MAPK4: variants seen among roughly 807,000 people sequenced by gnomAD.
The protein encoded by MAPK4 is mitogen-activated protein kinase 4, also known as Erk3-related.
A neutral mutation model predicts 47.7 loss-of-function variants in MAPK4; 22 were observed. The observed-to-expected ratio is 0.46, with a 90% CI of 0.33 to 0.66. The LOEUF is 0.66. Among genes scored for constraint, MAPK4 ranks in the 30% least tolerant of loss-of-function variants. MAPK4 has a pLI of 0.02. For missense variants in MAPK4, 736 were observed against 831.7 expected (o/e 0.88, Z 1.42); for synonymous variants, 390 against 365.7 (o/e 1.07, Z -0.76).
chr18:50,723,728 G>A (rs1308532366), intron 4 of MAPK4, among the ~76,000 whole-genome samples: 4 of 152,052 alleles, frequency 2.6e-5, no homozygotes, highest in Non-Finnish European at 5.9e-5. Flanking sequence ...GCTGGGCATG[G>A]TGGCGCACAC....
Position 50,663,987 on chromosome 18 carries a change from G to T in MAPK4, c.29G>T (p.Ser10Ile), listed in dbSNP as rs1042753382. The T allele has an allele frequency of 6.2e-7, 1 of 1,613,512 alleles. No homozygotes were observed. The highest frequency in any genetic ancestry group is 1.3e-5 in the African/African-American group (1 of 75,046). MAEKGDCIA[S>I]VYGYDLGGRF... ...GCTGAGAAGGGTGACTGCATCGCCA[G>T]TGTCTATGGGTATGACCTCGGTGGG... Residue 10 changes from serine (S) to isoleucine (I), a missense_variant, in exon 2 of 6, where the codon AGT (serine) becomes ATT (isoleucine). By Grantham distance (142) the Ser-to-Ile change is moderately radical. Transcript: ENST00000400384.
intron 1 of MAPK4, among the ~76,000 whole-genome samples, chr18:50,579,299 C>G (rs573709796): frequency 5.9e-5 from 9 of 152,312 alleles, no homozygotes; most frequent in African/African-American, 2.2e-4. Context: ...TTGCATCACT[C>G]TTGGCCTCTG....
intron 1 of MAPK4, among the ~76,000 whole-genome samples, chr18:50,660,446 C>A (rs1377626563): frequency 6.6e-6 from 1 of 152,170 alleles, no homozygotes; most frequent in African/African-American, 2.4e-5. Context: ...GTGGGCATCA[C>A]CACTGTGTAG....
intron 1 of MAPK4, among the ~76,000 whole-genome samples, chr18:50,588,086 G>A (rs1375319877): frequency 2.7e-5 from 4 of 148,116 alleles, no homozygotes; most frequent in Admixed American, 6.8e-5. Context: ...GTGGTAGAAC[G>A]AAGAGGCATT....
intron 2 of MAPK4, among the ~76,000 whole-genome samples, chr18:50,673,324 C>T (rs1009042810): frequency 3.9e-5 from 6 of 152,164 alleles, no homozygotes; most frequent in South Asian, 2.1e-4. Context: ...GCCCCCTCTT[C>T]GGAAGCCCAG....
chr18:50,693,075 G>T (rs1332452853), intron 2 of MAPK4, among the ~76,000 whole-genome samples: 2 of 152,080 alleles, frequency 1.3e-5, no homozygotes, highest in Non-Finnish European at 2.9e-5. Context: ...GGCCAACATG[G>T]TGAAACCCTG....
rs1415349589 is a variant in MAPK4 at position 50,643,487 on chromosome 18, C to A, written c.-870-19602C>A. Among the ~76,000 whole-genome samples, 6 of 152,370 alleles carry A rather than the reference C, an allele frequency of 3.9e-5. No homozygotes were observed. The East Asian group carries it at 1.2e-3, about 29-fold the overall frequency. On this transcript the variant is annotated intron_variant, in intron 1 of 5. Transcript: ENST00000400384. ...GCAGCGAGTCGAGGTCGCGCCACTG[C>A]GCTCCAGCTTGTGTAATGGAATGAA... is the stretch of plus-strand genomic sequence containing the variant.
At chr18:50,683,132 T>C (rs1352798967) in intron 2 of MAPK4, among the ~76,000 whole-genome samples, 2 of 151,510 alleles carry the variant, frequency 1.3e-5, no homozygotes, top group East Asian at 1.9e-4. Context: ...CTTTTTTTTT[T>C]CTTTTGAGAC....
chr18:50,676,892 AT>A (rs1478003866), intron 2 of MAPK4, among the ~76,000 whole-genome samples: 1 of 152,192 alleles, frequency 6.6e-6, no homozygotes, highest in Non-Finnish European at 1.5e-5. Context: ...ATAACTAAAC[AT>A]TTTTTTAAAA....
intron 3 of MAPK4, among the ~76,000 whole-genome samples, chr18:50,717,279 G>C (rs933090671): frequency 6.6e-6 from 1 of 152,218 alleles, no homozygotes; most frequent in Non-Finnish European, 1.5e-5. Flanking sequence ...CTGGGGAGCT[G>C]AGTGTCCAGG....
At chr18:50,583,119 T>C (rs1244372913) in intron 1 of MAPK4, among the ~76,000 whole-genome samples, 3 of 152,148 alleles carry the variant, frequency 2.0e-5, no homozygotes, top group African/African-American at 7.2e-5. Context: ...AGAAGAATTT[T>C]ATTGATCAAC....
In MAPK4 at chr18:50,730,516, C is replaced by T. The variant is rs1911504208; in HGVS notation, c.*662C>T. 6.5e-6 allele frequency: 1 copy of T among 152,686 alleles called. No individual in the cohort carries two copies. The highest frequency in any genetic ancestry group is 2.4e-5 in the African/African-American group (1 of 41,444). The allele number at this position is 152,686 out of a possible 1,614,324, so 9.5% of individuals were successfully genotyped here. A position where few individuals can be genotyped will look rare whatever the true frequency, so the allele number is the denominator to read the frequency against. ...TTGTTTCTCCTAGTCACCAAGCATA[C>T]TTTCCTGGCTCCCCAAGTACTTAAA... On this transcript the variant is annotated 3_prime_UTR_variant, in exon 6 of 6. Transcript: ENST00000400384.
At chr18:50,685,736 G>A (rs908009327) in intron 2 of MAPK4, among the ~76,000 whole-genome samples, 2 of 152,216 alleles carry the variant, frequency 1.3e-5, no homozygotes, top group African/African-American at 2.4e-5. Flanking sequence ...TCTCAAGGGA[G>A]GCCAGTGCTG....
chr18:50,607,926 G>A (rs2042596311), intron 1 of MAPK4, among the ~76,000 whole-genome samples: 2 of 152,114 alleles, frequency 1.3e-5, no homozygotes, highest in African/African-American at 4.8e-5. Context: ...GCCACATAAT[G>A]AGTTCTTATA....
intron 1 of MAPK4, among the ~76,000 whole-genome samples, chr18:50,627,233 G>A (rs9957659): frequency 0.029 from 4,487 of 152,232 alleles, 218 homozygotes; most frequent in African/African-American, 0.098. Context: ...CTTGCACATC[G>A]AGCCTCATGG....
At chr18:50,681,153 T>G (rs1908563672) in intron 2 of MAPK4, among the ~76,000 whole-genome samples, 1 of 152,224 alleles carries the variant, frequency 6.6e-6, no homozygotes, top group Admixed American at 6.5e-5. Flanking sequence ...ATTTCCCAGA[T>G]GGCTGATGAC....
At chr18:50,627,927 A>G (rs2042795275) in intron 1 of MAPK4, among the ~76,000 whole-genome samples, 1 of 152,152 alleles carries the variant, frequency 6.6e-6, no homozygotes. Flanking sequence ...GGGCTCAGGC[A>G]AGCATTAGAC....
intron 4 of MAPK4, among the ~76,000 whole-genome samples, chr18:50,724,015 C>A (rs941636339): frequency 6.6e-6 from 1 of 151,944 alleles, no homozygotes; most frequent in South Asian, 2.1e-4. Context: ...GGTTGGTACT[C>A]GACTTTTTTT....
rs1468590216 is a variant in MAPK4 at position 50,639,106 on chromosome 18, C to T, written c.-870-23983C>T. ...AGGGGGCGCCCTGGTACCCCAGGCT[C>T]AAAATGGCCTTGCTGTTTCAGAAAC... On this transcript the variant is annotated intron_variant, in intron 1 of 5. Transcript: ENST00000400384. 3.3e-5 allele frequency among the ~76,000 whole-genome samples: 5 copies of T among 152,132 alleles called. No individual in the cohort carries two copies. In the East Asian group the frequency reaches 5.8e-4, roughly 18 times the overall value.
Sources: gnomAD v4.1 joint callset for allele counts (sites outside exome capture counted in the v4.1 genomes callset) on GRCh38, gnomAD v4.1.1 for gene constraint, MANE v1.5 for transcripts, NCBI Gene and HGNC (gene_info 2026-07-23, HGNC 2026-07-21) for gene names.